CFAP100: variants seen among roughly 807,000 people sequenced by gnomAD.
CFAP100 encodes cilia and flagella associated protein 100.
Under a neutral mutation model 81.5 loss-of-function variants are expected in CFAP100, and 70 were observed. The observed-to-expected ratio is 0.86, with a 90% CI of 0.71 to 1.05. The LOEUF (loss-of-function observed/expected upper bound fraction) is 1.05, where lower values mean the gene tolerates loss of function less well. CFAP100 is among the 50% of genes least tolerant of loss of function. The probability of loss-of-function intolerance (pLI) is 0.00; values close to 1 mark genes in which losing one functional copy is unlikely to be tolerated. For synonymous variants in CFAP100, 341 were observed against 314.8 expected (o/e 1.08, Z -0.88); for missense variants, 811 against 776.5 (o/e 1.04, Z -0.53).
chr3:126,419,577 A>G, intron 8 of CFAP100, 60 bp from the exon 9 acceptor site: 1 of 1,501,558 alleles, frequency 6.7e-7, no homozygotes, highest in Admixed American at 1.8e-5. Flanking sequence ...CGGCATGGGG[A>G]CCTCGCTGTG....
At chr3:126,403,396 T>C (rs957025720) in intron 2 of CFAP100, among the ~76,000 whole-genome samples, 2 of 150,782 alleles carry the variant, frequency 1.3e-5, no homozygotes, top group African/African-American at 4.9e-5. Context: ...TTTTTTTTTT[T>C]TTTTTTGAGA....
intron 2 of CFAP100, 33 bp downstream of exon 2, chr3:126,396,082 G>A: frequency 6.3e-7 from 1 of 1,581,694 alleles, no homozygotes; most frequent in Non-Finnish European, 8.7e-7. Flanking sequence ...CACTCTCAGA[G>A]GTCAGGGGCA....
At chr3:126,402,471 AG>A (rs2083000762) in intron 2 of CFAP100, among the ~76,000 whole-genome samples, 1 of 152,126 alleles carries the variant, frequency 6.6e-6, no homozygotes, top group South Asian at 2.1e-4. Flanking sequence ...GTGAGTGAGC[AG>A]GTGTAGGACT....
At chr3:126,434,609 A>G (rs1002337905) in intron 15 of CFAP100, 2 of 541,814 alleles carry the variant, frequency 3.7e-6, no homozygotes, top group Non-Finnish European at 6.6e-6. Flanking sequence ...CGATGTGGCC[A>G]GGAGGCTCAG....
chr3:126,409,948 C>A (rs1310351106), intron 3 of CFAP100, among the ~76,000 whole-genome samples: 2 of 152,152 alleles, frequency 1.3e-5, no homozygotes, highest in African/African-American at 4.8e-5. Context: ...CCCCTGTAAT[C>A]CCAGCACTTT....
At position 126,401,397 on chromosome 3, in the gene CFAP100, T is replaced by TTATATATATATA. The variant is rs58055481; in HGVS notation, c.49+5383_49+5394dup. Among the ~76,000 whole-genome samples the TTATATATATATA allele has an allele frequency of 6.2e-4, 47 of 76,196 alleles. 1 individual carries two copies. The highest frequency in any genetic ancestry group is 8.6e-4 in the Non-Finnish European group (32 of 37,140). 50.0% of individuals were successfully genotyped at this position (76,196 alleles called of 152,430 possible). On this transcript the variant is annotated intron_variant, in intron 2 of 16. Transcript: ENST00000352312. ...ATGGCATAAAATGGCAAATCGTATT[T>TTATATATATATA]TATATATATATATATATATATATAT... is the stretch of plus-strand genomic sequence containing the variant.
chr3:126,415,305 C>A (rs1175993263), intron 4 of CFAP100, among the ~76,000 whole-genome samples: 1 of 145,328 alleles, frequency 6.9e-6, no homozygotes, highest in Non-Finnish European at 1.5e-5. Flanking sequence ...CCCCACCCAA[C>A]AGGGTCCCCC....
rs369591163 is a variant in CFAP100, at chr3:126,420,090, C to G, written c.956-13C>G. ...TGCACAGGGCTCGGAAACTATTCCT[C>G]TGCTTTCTCCAGAGGGTCAGGGTAC... On this transcript the variant is annotated splice_polypyrimidine_tract_variant and intron_variant, in intron 10 of 16. Transcript: ENST00000352312. The G allele has an allele frequency of 6.2e-7, 1 of 1,613,318 alleles. No individual in the cohort carries two copies. Among genetic ancestry groups the G allele is most frequent in the Admixed American group, 1.7e-5 (1 of 60,024 alleles).
chr3:126,411,211 C>G (rs549790791), intron 3 of CFAP100, among the ~76,000 whole-genome samples: 14 of 152,256 alleles, frequency 9.2e-5, no homozygotes, highest in Non-Finnish European at 1.9e-4. Context: ...TATGCTGAAC[C>G]ATCCCTGCAT....
At chr3:126,418,944 C>CTG (rs781573001) in intron 7 of CFAP100, 132 bp from the exon 8 acceptor site, 5 of 995,494 alleles carry the variant, frequency 5.0e-6, no homozygotes, top group Admixed American at 2.8e-5. Flanking sequence ...AAAGGCTTAA[C>CTG]TGTGTGGCTC....
intron 13 of CFAP100, among the ~76,000 whole-genome samples, chr3:126,426,837 C>A (rs1932968359): frequency 6.6e-6 from 1 of 152,204 alleles, no homozygotes; most frequent in South Asian, 2.1e-4. Context: ...ACAAGATTAA[C>A]ATACAAAAGT....
At chr3:126,419,894 G>T in intron 9 of CFAP100, 76 bp downstream of exon 9, 1 of 1,610,926 alleles carries the variant, frequency 6.2e-7, no homozygotes, top group Non-Finnish European at 8.5e-7. Flanking sequence ...CAGCTGGCAG[G>T]TTACCTGCAG....
At chr3:126,410,786 A>G (rs2083141886) in intron 3 of CFAP100, among the ~76,000 whole-genome samples, 1 of 152,188 alleles carries the variant, frequency 6.6e-6, no homozygotes, top group Non-Finnish European at 1.5e-5. Flanking sequence ...GGGTGGAGGG[A>G]CATTCAGTAT....
chr3:126,419,216 T>G, intron 8 of CFAP100, 60 bp downstream of exon 8: 1 of 1,194,686 alleles, frequency 8.4e-7, no homozygotes, highest in Non-Finnish European at 1.2e-6. Context: ...TCAGTCATTT[T>G]GCCTGGCCAA....
At chr3:126,408,693 G>T (rs1479932211) in intron 3 of CFAP100, among the ~76,000 whole-genome samples, 2 of 152,194 alleles carry the variant, frequency 1.3e-5, no homozygotes, top group Admixed American at 6.5e-5. Context: ...TCTGCTGTGG[G>T]TGCAGAGGCA....
At chr3:126,428,362 G>A (rs566719794) in intron 13 of CFAP100, among the ~76,000 whole-genome samples, 1 of 142,942 alleles carries the variant, frequency 7.0e-6, no homozygotes, top group Non-Finnish European at 1.6e-5. Flanking sequence ...TAGAGGGAGA[G>A]AGGGATAAAG....
intron 5 of CFAP100, among the ~76,000 whole-genome samples, chr3:126,417,525 G>A (rs1227465397): frequency 6.6e-6 from 1 of 152,196 alleles, no homozygotes; most frequent in Non-Finnish European, 1.5e-5. Flanking sequence ...CCCCACAGTT[G>A]GAGAGGCAGG....
intron 13 of CFAP100, among the ~76,000 whole-genome samples, chr3:126,431,238 G>A (rs887852029): frequency 6.6e-5 from 10 of 152,184 alleles, no homozygotes; most frequent in Non-Finnish European, 1.3e-4. Context: ...TCTGCACACT[G>A]GGTGCTATCA....
chr3:126,426,685 G>A (rs1932955909), intron 13 of CFAP100, among the ~76,000 whole-genome samples: 1 of 152,192 alleles, frequency 6.6e-6, no homozygotes. Flanking sequence ...GGGAGGCGGA[G>A]GTTGCAGTGA....
Sources: allele counts gnomAD v4.1 joint callset (sites outside exome capture counted in the v4.1 genomes callset), GRCh38; gene constraint gnomAD v4.1.1; transcripts MANE v1.5; gene names NCBI Gene and HGNC (gene_info 2026-07-23, HGNC 2026-07-21).